TTC39B: variants seen among roughly 807,000 people sequenced by gnomAD.
TTC39B encodes the protein tetratricopeptide repeat domain 39B, also known as tetratricopeptide repeat protein 39B.
Under a neutral mutation model 96.6 loss-of-function variants are expected in TTC39B, and 92 were observed. That is an observed-to-expected ratio of 0.95 (90% CI 0.80 to 1.13). The LOEUF is 1.13. TTC39B is among the 50% of genes most tolerant of loss of function. The pLI is 0.00. For synonymous variants in TTC39B, 367 were observed against 299.4 expected, an observed-to-expected ratio of 1.23 and a Z score of -2.33; for missense variants, 955 against 809.3, an observed-to-expected ratio of 1.18 and a Z score of -2.18.
intron 8 of TTC39B, among the ~76,000 whole-genome samples, chr9:15,193,408 T>C (rs1818971591): frequency 1.3e-5 from 2 of 152,236 alleles, no homozygotes; most frequent in Non-Finnish European, 2.9e-5. Flanking sequence ...AATATATTTT[T>C]AATAATAAGG....
Position 15,172,142 on chromosome 9 carries a change from A to T in TTC39B, c.1959-33T>A, listed in dbSNP as rs777664011. The T allele has an allele frequency of 2.0e-6, 3 of 1,528,930 alleles. No individual in the cohort carries two copies. The African/African-American group carries it at 4.1e-5, about 21-fold the overall frequency. 94.7% of individuals were successfully genotyped at this position (1,528,930 alleles called of 1,614,324 possible). A position where few individuals can be genotyped will look rare whatever the true frequency, so the allele number is the denominator to read the frequency against. ...CAATAACAATAAAATTGTACAGTCAAAATTTCCTTATATACCAGGTACCAC... is the reference window on the plus strand; with the variant it reads ...CAATAACAATAAAATTGTACAGTCATAATTTCCTTATATACCAGGTACCAC... On this transcript the variant is annotated intron_variant, in intron 19 of 19. Transcript: ENST00000512701.
chr9:15,213,667 C>G (rs1399740258), intron 4 of TTC39B, among the ~76,000 whole-genome samples: 1 of 152,190 alleles, frequency 6.6e-6, no homozygotes, highest in Non-Finnish European at 1.5e-5. Flanking sequence ...CATCTGAAAA[C>G]TTAACAGGTA....
intron 1 of TTC39B, among the ~76,000 whole-genome samples, chr9:15,301,080 C>T (rs111705082): frequency 6.6e-6 from 1 of 152,204 alleles, no homozygotes; most frequent in African/African-American, 2.4e-5. Context: ...TCTCAACTTC[C>T]CCCAAGGCCT....
In TTC39B at chr9:15,307,081, T is replaced by C. The variant is rs747018804; in HGVS notation, c.240+3A>G. ...CGGGCCCGCAATCCCCATCGGATCGTACCTCGTCCGCTTCCAGCTCCGCTC... is the reference window on the plus strand; with the variant it reads ...CGGGCCCGCAATCCCCATCGGATCGCACCTCGTCCGCTTCCAGCTCCGCTC... On this transcript the variant is annotated splice_donor_region_variant and intron_variant, in intron 1 of 19. Coordinates refer to ENST00000512701, the Ensembl canonical transcript of TTC39B. 3 of 1,609,590 alleles carry C rather than the reference T, an allele frequency of 1.9e-6. No homozygotes were observed. The highest frequency in any genetic ancestry group is 3.4e-5 in the Admixed American group (2 of 59,700).
Position 15,206,748 on chromosome 9 carries a change from A to AT in TTC39B, c.692-2859dup, listed in dbSNP as rs775633353. Reference sequence around the variant, plus strand: ...GCTATAGTCACAAGTTTATTAGTTTATTTTTTTTATTTATGTAGAGACAGG... The same window carrying AT: ...GCTATAGTCACAAGTTTATTAGTTTATTTTTTTTTATTTATGTAGAGACAGG... On this transcript the variant is annotated intron_variant, in intron 6 of 19. Transcript: ENST00000512701. Among the ~76,000 whole-genome samples the AT allele has an allele frequency of 8.4e-5, 12 of 142,118 alleles. No individual in the cohort carries two copies. In the East Asian group the frequency reaches 1.2e-3, roughly 14 times the overall value. 93.2% of individuals were successfully genotyped at this position (142,118 alleles called of 152,430 possible). A position where few individuals can be genotyped will look rare whatever the true frequency, so the allele number is the denominator to read the frequency against.
chr9:15,296,326 G>A (rs1263005695), intron 1 of TTC39B, among the ~76,000 whole-genome samples: 1 of 152,170 alleles, frequency 6.6e-6, no homozygotes, highest in Non-Finnish European at 1.5e-5. Context: ...CTGCATTTCA[G>A]TTTACAGGCA....
intron 19 of TTC39B, among the ~76,000 whole-genome samples, chr9:15,174,791 C>T (rs1267033185): frequency 6.6e-6 from 1 of 152,004 alleles, no homozygotes; most frequent in African/African-American, 2.4e-5. Context: ...AAATAGATGC[C>T]CATAATCATA....
At chr9:15,182,619 A>T (rs1818307810) in intron 16 of TTC39B, among the ~76,000 whole-genome samples, 1 of 152,254 alleles carries the variant, frequency 6.6e-6, no homozygotes, top group African/African-American at 2.4e-5. Context: ...ACTCATTCAT[A>T]TAACAAATAT....
In TTC39B at chr9:15,234,045, G is replaced by T. The variant is rs563876518; in HGVS notation, c.276-8033C>A. Among the ~76,000 whole-genome samples the T allele has an allele frequency of 6.5e-4, 87 of 134,784 alleles. 2 individuals carry two copies. The highest frequency in any genetic ancestry group is 8.9e-4 in the Non-Finnish European group (57 of 64,250). 88.4% of individuals were successfully genotyped at this position (134,784 alleles called of 152,430 possible). On this transcript the variant is annotated intron_variant, in intron 2 of 19. Transcript: ENST00000512701. ...ATGTGAGGAGCGCCTCTGACCCGCC[G>T]CCCCGTCTGGGATGTGAGGAGCGCC...
At chr9:15,248,788 A>C (rs974350514) in intron 2 of TTC39B, among the ~76,000 whole-genome samples, 2 of 152,238 alleles carry the variant, frequency 1.3e-5, no homozygotes. Context: ...TGGGTGGTAG[A>C]GAAAATTTCT....
chr9:15,188,019 C>T, exon 14 of TTC39B: 1 of 1,612,666 alleles, frequency 6.2e-7, no homozygotes, highest in Non-Finnish European at 8.5e-7. Flanking sequence ...AGTAATATGC[C>T]TGCATCCAGT....
intron 3 of TTC39B, among the ~76,000 whole-genome samples, chr9:15,219,318 T>G (rs1820709651): frequency 6.6e-6 from 1 of 152,172 alleles, no homozygotes; most frequent in South Asian, 2.1e-4. Context: ...TCTCCAGAAG[T>G]GTCAACCTGC....
chr9:15,250,418 A>G (rs1339864183), intron 2 of TTC39B, among the ~76,000 whole-genome samples: 3 of 152,188 alleles, frequency 2.0e-5, no homozygotes, highest in African/African-American at 7.2e-5. Context: ...ATTAAGAAAA[A>G]AAAAAAAGAA....
At chr9:15,182,415 C>G (rs774220297) in exon 17 of TTC39B, 2 of 1,599,790 alleles carry the variant, frequency 1.3e-6, no homozygotes, top group Admixed American at 3.4e-5. Flanking sequence ...TACATCATTT[C>G]CTAATGAGGA....
chr9:15,209,851 T>A (rs923270384), intron 6 of TTC39B, among the ~76,000 whole-genome samples: 1 of 151,678 alleles, frequency 6.6e-6, no homozygotes, highest in African/African-American at 2.4e-5. Context: ...AAAAAAAAAA[T>A]GAACAATCCA....
intron 19 of TTC39B, among the ~76,000 whole-genome samples, chr9:15,172,941 ATTT>A (rs1175172782): frequency 5.3e-5 from 8 of 152,162 alleles, no homozygotes; most frequent in Non-Finnish European, 1.0e-4. Flanking sequence ...GGAATTGAGT[ATTT>A]TCCTAAATGC....
At chr9:15,215,790 G>A (rs1820482553) in intron 3 of TTC39B, among the ~76,000 whole-genome samples, 2 of 151,986 alleles carry the variant, frequency 1.3e-5, no homozygotes, top group African/African-American at 4.8e-5. Flanking sequence ...CTTGAACCTG[G>A]AAGGCAGAGG....
intron 2 of TTC39B, among the ~76,000 whole-genome samples, chr9:15,238,598 G>C (rs890375241): frequency 2.0e-5 from 3 of 152,118 alleles, no homozygotes; most frequent in Non-Finnish European, 2.9e-5. Flanking sequence ...TCTACAAGAA[G>C]AACAACAAAA....
intron 7 of TTC39B, 37 bp from the exon 8 acceptor site, chr9:15,199,962 CA>C (rs1171542379): frequency 1.5e-6 from 2 of 1,300,290 alleles, no homozygotes; most frequent in East Asian, 2.4e-5. Flanking sequence ...GATTATTTAG[CA>C]AAAAATTTTA....
Sources: allele counts gnomAD v4.1 joint callset (sites outside exome capture counted in the v4.1 genomes callset), GRCh38; gene constraint gnomAD v4.1.1; transcripts MANE v1.5; gene names NCBI Gene and HGNC (gene_info 2026-07-23, HGNC 2026-07-21).